Variants in KCNN3 observed in about 807,000 individuals in gnomAD.
KCNN3 encodes the protein small conductance calcium-activated potassium channel protein 3.
Under a neutral mutation model 62.9 loss-of-function variants are expected in KCNN3, and 16 were observed. The observed-to-expected ratio is 0.25, with a 90% CI of 0.17 to 0.39. The LOEUF (loss-of-function observed/expected upper bound fraction) is 0.39, where lower values mean the gene tolerates loss of function less well. Among genes scored for constraint, KCNN3 ranks in the 10% least tolerant of loss-of-function variants. The probability of loss-of-function intolerance (pLI) is 1.00; values close to 1 mark genes in which losing one functional copy is unlikely to be tolerated. For synonymous variants in KCNN3, 370 were observed against 389.2 expected (o/e 0.95, Z 0.58); for missense variants, 599 against 949.4 (o/e 0.63, Z 4.85).
rs1030439376 is a variant in KCNN3, at chr1:154,698,561, T to C, written c.*9415A>G. 1.3e-5 allele frequency: 2 copies of C among 152,252 alleles called. No individual in the cohort carries two copies. Among genetic ancestry groups the C allele is most frequent in the African/African-American group, 4.8e-5 (2 of 41,462 alleles). The allele number at this position is 152,252 out of a possible 1,614,324, so 9.4% of individuals were successfully genotyped here. On this transcript the variant is annotated 3_prime_UTR_variant, in exon 8 of 8. Coordinates refer to ENST00000271915, the MANE Select transcript of KCNN3 (RefSeq NM_002249.6). ...CACAGCAATGGAAACCTGGCGACTCTTCCTGGAGCTCTAGGGACTTCTAAC... is the reference window on the plus strand; with the variant it reads ...CACAGCAATGGAAACCTGGCGACTCCTCCTGGAGCTCTAGGGACTTCTAAC...
intron 2 of KCNN3, among the ~76,000 whole-genome samples, chr1:154,821,874 A>G (rs1650913294): frequency 6.6e-6 from 1 of 152,190 alleles, no homozygotes; most frequent in Non-Finnish European, 1.5e-5. Flanking sequence ...TTTGAAGACA[A>G]CTTAACAGTT....
intron 3 of KCNN3, among the ~76,000 whole-genome samples, chr1:154,760,122 C>A (rs926431802): frequency 2.0e-5 from 3 of 151,998 alleles, no homozygotes; most frequent in Admixed American, 1.3e-4. Flanking sequence ...AAGCGATTCT[C>A]CTGCCTCAGT....
chr1:154,851,257 G>A (rs1275019992), intron 1 of KCNN3, among the ~76,000 whole-genome samples: 1 of 152,176 alleles, frequency 6.6e-6, no homozygotes, highest in Non-Finnish European at 1.5e-5. Context: ...GATTACAGGC[G>A]TGAGCCACCG....
chr1:154,772,871 T>C lies in KCNN3; in HGVS notation c.1030-478A>G, dbSNP rs1313243126. ...AATCTGGTGATGAGAGGGTTGGAAC[T>C]TTCAGCCCCACCCCACCACCTCCTG... On this transcript the variant is annotated intron_variant, in intron 2 of 7. Transcript: ENST00000271915. This position sits in a 1 kb window ranked among gnomAD's most constrained non-coding sequence, Gnocchi z 5.6. 1.3e-5 allele frequency among the ~76,000 whole-genome samples: 2 copies of C among 152,012 alleles called. No individual in the cohort carries two copies. The highest frequency in any genetic ancestry group is 4.8e-5 in the African/African-American group (2 of 41,382).
rs77358280 is a variant in KCNN3, at chr1:154,743,026, T to C, written c.1449-9882A>G. 1.2e-3 allele frequency among the ~76,000 whole-genome samples: 179 copies of C among 152,278 alleles called. 3 individuals are homozygous for C. In the East Asian group the frequency reaches 0.028, roughly 24 times the overall value. On this transcript the variant is annotated intron_variant, in intron 3 of 7. Coordinates refer to ENST00000271915, the MANE Select transcript of KCNN3 (RefSeq NM_002249.6). Reference sequence around the variant, plus strand: ...TTGCAGCTTAAACCCCTTATCTCCATCAAATTCTGTCACCTCTGCTTTCAA... The same window carrying C: ...TTGCAGCTTAAACCCCTTATCTCCACCAAATTCTGTCACCTCTGCTTTCAA...
chr1:154,711,047 T>C (rs1456867435), intron 7 of KCNN3, among the ~76,000 whole-genome samples: 2 of 152,292 alleles, frequency 1.3e-5, no homozygotes, highest in East Asian at 3.9e-4. Flanking sequence ...TGCACACGTA[T>C]GTTTATTGTG....
Position 154,769,520 on chromosome 1 carries a change from A to C in KCNN3, c.1448+2455T>G, listed in dbSNP as rs112999001. ...ATGGAAGGCCATGCAATATCAAATAAGGTGCATCATCTAAGTACTTTGCAA... is the reference window on the plus strand; with the variant it reads ...ATGGAAGGCCATGCAATATCAAATACGGTGCATCATCTAAGTACTTTGCAA... On this transcript the variant is annotated intron_variant, in intron 3 of 7. Transcript: ENST00000271915. 9.8e-3 allele frequency among the ~76,000 whole-genome samples: 1,486 copies of C among 152,318 alleles called. 20 individuals carry two copies. The highest frequency in any genetic ancestry group is 0.034 in the African/African-American group (1,405 of 41,568).
At chr1:154,794,164 A>G (rs539770808) in intron 2 of KCNN3, among the ~76,000 whole-genome samples, 1 of 152,320 alleles carries the variant, frequency 6.6e-6, no homozygotes, top group Admixed American at 6.5e-5. Context: ...AATCCTATTC[A>G]TCCTCTGACT....
intron 3 of KCNN3, among the ~76,000 whole-genome samples, chr1:154,764,914 C>T (rs568630249): frequency 6.6e-6 from 1 of 152,150 alleles, no homozygotes; most frequent in African/African-American, 2.4e-5. Flanking sequence ...AACGAGTTCC[C>T]CCCAAAAGTA....
intron 3 of KCNN3, among the ~76,000 whole-genome samples, chr1:154,756,321 GAAA>G (rs1361118413): frequency 6.6e-6 from 1 of 151,822 alleles, no homozygotes; most frequent in Admixed American, 6.6e-5. Flanking sequence ...GGAAGAAGAA[GAAA>G]AAGAAGAAGA....
chr1:154,766,599 G>T (rs1283546103), intron 3 of KCNN3, among the ~76,000 whole-genome samples: 1 of 149,364 alleles, frequency 6.7e-6, no homozygotes, highest in Non-Finnish European at 1.5e-5. Flanking sequence ...AGCCTACAGG[G>T]TTTAGCTTGC....
At position 154,809,618 on chromosome 1, in the gene KCNN3, G is replaced by A. The variant is rs1650317282; in HGVS notation, c.1029+12471C>T. 6.6e-6 allele frequency among the ~76,000 whole-genome samples: 1 copy of A among 152,232 alleles called. No homozygotes were observed. The highest frequency in any genetic ancestry group is 1.5e-5 in the Non-Finnish European group (1 of 68,052). ...CAGGCTCATCACATGTGGGAGGGCA[G>A]GAAGCTGGGAGGCCCCCAAATACAT... On this transcript the variant is annotated intron_variant, in intron 2 of 7. Transcript: ENST00000271915. The surrounding 1 kb of genome is among the most constrained non-coding windows in gnomAD (Gnocchi z 4.3).
chr1:154,837,654 G>A (rs1338466215), intron 1 of KCNN3, among the ~76,000 whole-genome samples: 1 of 152,178 alleles, frequency 6.6e-6, no homozygotes, highest in Non-Finnish European at 1.5e-5. Flanking sequence ...GGGTCCCTGG[G>A]CAGGAAGAGC....
rs186048433 is a variant in KCNN3, at chr1:154,797,194, C to T, written c.1030-24801G>A. On this transcript the variant is annotated intron_variant, in intron 2 of 7. Coordinates refer to ENST00000271915, the MANE Select transcript of KCNN3 (RefSeq NM_002249.6). ...GGCTCACAGGTCTGGCCTTGGGGTC[C>T]CTTAATGCTCATACTAATGGTTACC... 3.9e-5 allele frequency among the ~76,000 whole-genome samples: 6 copies of T among 152,258 alleles called. No individual in the cohort carries two copies. The East Asian group carries it at 9.6e-4, about 24-fold the overall frequency.
chr1:154,855,672 T>A (rs1652492050), intron 1 of KCNN3, among the ~76,000 whole-genome samples: 1 of 152,194 alleles, frequency 6.6e-6, no homozygotes. Context: ...TAATGACACA[T>A]TTCTTAGACT....
chr1:154,704,747 A>C lies in KCNN3; in HGVS notation c.*3229T>G, dbSNP rs1052355992. ...ATCAGTACAGTATTGGAGTGAGGTT[A>C]CATAATTAATAGTTTTTACATATAG... On this transcript the variant is annotated 3_prime_UTR_variant, in exon 8 of 8. Coordinates refer to ENST00000271915, the MANE Select transcript of KCNN3 (RefSeq NM_002249.6). The C allele has an allele frequency of 6.6e-6, 1 of 151,928 alleles. No homozygotes were observed. Among genetic ancestry groups the C allele is most frequent in the African/African-American group, 2.4e-5 (1 of 41,336 alleles). The allele number at this position is 151,928 out of a possible 1,614,324, so 9.4% of individuals were successfully genotyped here. A position where few individuals can be genotyped will look rare whatever the true frequency, so the allele number is the denominator to read the frequency against.
In KCNN3 at chr1:154,720,835, C is replaced by T. The variant is rs551123715; in HGVS notation, c.1701+5081G>A. Among the ~76,000 whole-genome samples the T allele has an allele frequency of 1.1e-3, 168 of 152,114 alleles. 1 individual carries two copies. Among genetic ancestry groups the T allele is most frequent in the Non-Finnish European group, 3.1e-4 (21 of 68,032 alleles). ...TGTGATAGTGCGAGACAGAAGATGG[C>T]GGCTTCAAGAGTGGCGGGGCCGAGG... On this transcript the variant is annotated intron_variant, in intron 5 of 7. Coordinates refer to ENST00000271915, the MANE Select transcript of KCNN3 (RefSeq NM_002249.6).
At chr1:154,863,621 G>A (rs1443613943) in intron 1 of KCNN3, among the ~76,000 whole-genome samples, 2 of 152,138 alleles carry the variant, frequency 1.3e-5, no homozygotes, top group Non-Finnish European at 1.5e-5. Flanking sequence ...CTCTACAGAG[G>A]TTACTCAAAT....
chr1:154,779,746 G>A (rs867085604), intron 2 of KCNN3, among the ~76,000 whole-genome samples: 5 of 152,218 alleles, frequency 3.3e-5, no homozygotes, highest in South Asian at 2.1e-4. Context: ...AAATGGATTC[G>A]CTGGCAGCTA....
Sources: allele counts gnomAD v4.1 joint callset (sites outside exome capture counted in the v4.1 genomes callset), GRCh38; gene constraint gnomAD v4.1.1; non-coding constraint Gnocchi (gnomAD v3.1); transcripts MANE v1.5; gene names NCBI Gene and HGNC (gene_info 2026-07-23, HGNC 2026-07-21).